BAIAP2L2: variants seen among roughly 807,000 people sequenced by gnomAD.
BAIAP2L2 encodes BAR/IMD domain containing adaptor protein 2 like 2, also known as BAR/IMD domain-containing adapter protein 2-like 2.
BAIAP2L2 carries 65 observed loss-of-function variants against 60.4 expected under a neutral mutation model. The observed-to-expected ratio is 1.08, with a 90% CI of 0.88 to 1.32. The LOEUF is 1.32. Ranked by LOEUF, BAIAP2L2 falls within the 40% of genes most tolerant of loss-of-function variation. The probability of loss-of-function intolerance (pLI) is 0.00; values close to 1 mark genes in which losing one functional copy is unlikely to be tolerated. For missense variants in BAIAP2L2, 836 were observed against 741.2 expected, an observed-to-expected ratio of 1.13 and a Z score of -1.48; for synonymous variants, 344 against 301.7, an observed-to-expected ratio of 1.14 and a Z score of -1.45.
At chr22:38,095,409 G>C in intron 7 of BAIAP2L2, among the ~76,000 whole-genome samples, 1 of 152,080 alleles carries the variant, frequency 6.6e-6, no homozygotes, top group Non-Finnish European at 1.5e-5. Context: ...CTGTCGCCCA[G>C]ACTGGAGTGC....
At position 38,098,485 on chromosome 22, in the gene BAIAP2L2, G is replaced by A. The variant is rs1311623002; in HGVS notation, c.277-3C>T. On this transcript the variant is annotated splice_polypyrimidine_tract_variant and splice_region_variant and intron_variant, in intron 4 of 13. Transcript: ENST00000381669. Reference sequence around the variant, plus strand: ...AGGCCTCCATGGAATGTCTGCACCTGAGCGGAGTGCAGGGTGAGGGTGATC... The same window carrying A: ...AGGCCTCCATGGAATGTCTGCACCTAAGCGGAGTGCAGGGTGAGGGTGATC... The A allele has an allele frequency of 6.2e-7, 1 of 1,612,896 alleles. No individual in the cohort carries two copies.
chr22:38,088,762 C>CA lies in BAIAP2L2; in HGVS notation c.1103dup (p.Glu369GlyfsTer64), dbSNP rs758635517. 5 of 1,599,518 alleles carry CA rather than the reference C, an allele frequency of 3.1e-6. No individual in the cohort carries two copies. The South Asian group carries it at 4.4e-5, about 14-fold the overall frequency. On this transcript the variant is annotated frameshift_variant, in exon 10 of 14. Coordinates refer to ENST00000381669, the MANE Select transcript of BAIAP2L2 (RefSeq NM_025045.6). LOFTEE classifies it high-confidence loss of function. Reference sequence around the variant, plus strand: ...CTCCCACTCACGCGGACGAGCCCTCCAGCTTGCCGTAGAGCCAGCCGTTCT... The same window carrying CA: ...CTCCCACTCACGCGGACGAGCCCTCCAAGCTTGCCGTAGAGCCAGCCGTTCT...
intron 7 of BAIAP2L2, among the ~76,000 whole-genome samples, chr22:38,094,478 G>C (rs369427357): frequency 1.3e-5 from 2 of 152,234 alleles, no homozygotes; most frequent in South Asian, 4.1e-4. Flanking sequence ...GAGCCACCGC[G>C]CCTGGCCGAG....
chr22:38,108,417 G>A, intron 2 of BAIAP2L2, 76 bp from the exon 3 acceptor site: 1 of 1,195,418 alleles, frequency 8.4e-7, no homozygotes, highest in South Asian at 1.4e-5. Context: ...TCATCTGGAG[G>A]GGACTGTGTC....
chr22:38,089,898 TTCCCGCG>T (rs1037521363), intron 7 of BAIAP2L2, among the ~76,000 whole-genome samples: 1 of 151,922 alleles, frequency 6.6e-6, no homozygotes, highest in Non-Finnish European at 1.5e-5. Flanking sequence ...GACCCCCCGC[TTCCCGCG>T]TCAATGTGTG....
intron 2 of BAIAP2L2, 135 bp from the exon 3 acceptor site, chr22:38,108,476 G>C (rs879135989): frequency 1.1e-5 from 7 of 664,866 alleles, no homozygotes; most frequent in South Asian, 1.0e-4. Context: ...AGGAGGGTGT[G>C]ACCAGTTGAG....
chr22:38,087,013 A>AC, intron 11 of BAIAP2L2, 111 bp downstream of exon 11: 2 of 1,287,628 alleles, frequency 1.6e-6, no homozygotes. Flanking sequence ...AAAAAACAAA[A>AC]CAAAACAAAA....
intron 1 of BAIAP2L2, among the ~76,000 whole-genome samples, chr22:38,110,156 A>ACAGAGAGAGAGAGGGAGAGG (rs1569234651): frequency 5.6e-5 from 6 of 106,618 alleles, no homozygotes; most frequent in Non-Finnish European, 1.0e-4. Context: ...AGAGGGAGAG[A>ACAGAGAGAGAGAGGGAGAGG]CAGAGAGAGA....
chr22:38,089,195 T>A lies in BAIAP2L2; in HGVS notation c.802A>T (p.Ser268Cys). The change falls in exon 9 of 14, where the codon AGC becomes TGC. Residue 268 changes from serine (S) to cysteine (C), a missense_variant. Transcript: ENST00000381669. ...RPLGEFSSPR[S>C]RHGSGSYGTE... ...CCGTAGGAGCCGGAGCCGTGCCGGCTGCGGGGGGAGCTGAACTCTCCCAGG... is the reference window on the plus strand; with the variant it reads ...CCGTAGGAGCCGGAGCCGTGCCGGCAGCGGGGGGAGCTGAACTCTCCCAGG... 1 of 1,129,842 alleles carries A rather than the reference T, an allele frequency of 8.9e-7. No homozygotes were observed. Among genetic ancestry groups the A allele is most frequent in the Non-Finnish European group, 1.1e-6 (1 of 922,934 alleles). The allele number at this position is 1,129,842 out of a possible 1,614,324, so 70.0% of individuals were successfully genotyped here. A position where few individuals can be genotyped will look rare whatever the true frequency, so the allele number is the denominator to read the frequency against.
In BAIAP2L2 at chr22:38,091,782, GA is replaced by G. The variant is rs371697890; in HGVS notation, c.613-2109del. ...TATTGTATTTGCAACTCATCACCAAGAAAAAGCTGGTTTCAGTAACATATCA... is the reference window on the plus strand; with the variant it reads ...TATTGTATTTGCAACTCATCACCAAGAAAAGCTGGTTTCAGTAACATATCA... On this transcript the variant is annotated intron_variant, in intron 7 of 13. Coordinates refer to ENST00000381669, the MANE Select transcript of BAIAP2L2 (RefSeq NM_025045.6). Among the ~76,000 whole-genome samples the G allele has an allele frequency of 5.7e-3, 871 of 152,116 alleles. 5 individuals are homozygous for G. The highest frequency in any genetic ancestry group is 0.02 in the African/African-American group (829 of 41,482).
At chr22:38,100,442 C>T (rs371362438) in intron 4 of BAIAP2L2, among the ~76,000 whole-genome samples, 14 of 152,132 alleles carry the variant, frequency 9.2e-5, no homozygotes, top group African/African-American at 3.1e-4. Flanking sequence ...AGGAGAATCG[C>T]TTGAACCCTA....
intron 4 of BAIAP2L2, among the ~76,000 whole-genome samples, chr22:38,101,631 A>G (rs1437563742): frequency 6.7e-6 from 1 of 149,912 alleles, no homozygotes; most frequent in African/African-American, 2.5e-5. Context: ...AGGTGTGTGG[A>G]TCACCTGAGG....
intron 1 of BAIAP2L2, 87 bp downstream of exon 1, chr22:38,110,388 G>A (rs1443297222): frequency 1.1e-5 from 15 of 1,357,884 alleles, no homozygotes; most frequent in South Asian, 2.5e-5. Context: ...CTGTAGCCCC[G>A]GCTGGCCCTC....
intron 7 of BAIAP2L2, 77 bp downstream of exon 7, chr22:38,096,955 G>A: frequency 1.3e-6 from 2 of 1,487,302 alleles, no homozygotes; most frequent in Non-Finnish European, 1.8e-6. Context: ...AGAAGGGAGG[G>A]AAACCTCTAT....
chr22:38,088,552 T>C (rs1425531278), intron 10 of BAIAP2L2, among the ~76,000 whole-genome samples, 196 bp downstream of exon 10: 1 of 152,186 alleles, frequency 6.6e-6, no homozygotes, highest in African/African-American at 2.4e-5. Context: ...CATCCTGAAC[T>C]TGGTAAGGCG....
intron 4 of BAIAP2L2, among the ~76,000 whole-genome samples, chr22:38,104,615 C>T (rs1028903764): frequency 1.3e-5 from 2 of 151,796 alleles, no homozygotes; most frequent in African/African-American, 4.8e-5. Context: ...CCTGCCTCAG[C>T]CTCCCGAGTA....
chr22:38,097,916 C>A, intron 6 of BAIAP2L2, 147 bp downstream of exon 6: 2 of 757,028 alleles, frequency 2.6e-6, no homozygotes, highest in Non-Finnish European at 4.4e-6. Flanking sequence ...CAGGGGCTGG[C>A]TGACCTCCCC....
chr22:38,109,497 G>A (rs1018655546), intron 1 of BAIAP2L2, among the ~76,000 whole-genome samples: 8 of 152,172 alleles, frequency 5.3e-5, no homozygotes, highest in Non-Finnish European at 1.2e-4. Flanking sequence ...CCGAGATGGT[G>A]CACCTGGAAG....
chr22:38,110,137 G>GAGAGAGAGGGAGAGAC (rs2086804331), intron 1 of BAIAP2L2, among the ~76,000 whole-genome samples: 4 of 92,264 alleles, frequency 4.3e-5, no homozygotes, highest in East Asian at 2.7e-4. Flanking sequence ...GAGAGAGAGA[G>GAGAGAGAGGGAGAGAC]AGAGAGAGAG....
Sources: gnomAD v4.1 joint callset for allele counts (sites outside exome capture counted in the v4.1 genomes callset) on GRCh38, gnomAD v4.1.1 for gene constraint, MANE v1.5 for transcripts, NCBI Gene and HGNC (gene_info 2026-07-23, HGNC 2026-07-21) for gene names.